The following ZNF490 variants were observed in gnomAD, a reference collection of about 807,000 sequenced individuals.
ZNF490 encodes zinc finger protein 490.
A neutral mutation model predicts 17.7 loss-of-function variants in ZNF490; 11 were observed. The ratio of observed to expected loss-of-function variants is 0.62; its 90% CI spans 0.39 to 1.03. The LOEUF is 1.03. Ranked by LOEUF, ZNF490 falls within the 50% of genes least tolerant of loss-of-function variation. The pLI, the probability that ZNF490 is intolerant of heterozygous loss-of-function variation, is 0.00. For synonymous variants in ZNF490, 222 were observed against 216.1 expected (o/e 1.03, Z -0.24); for missense variants, 542 against 643.4 (o/e 0.84, Z 1.71).
chr19:12,600,290 C>G (rs570514820), intron 2 of ZNF490, among the ~76,000 whole-genome samples: 1 of 151,944 alleles, frequency 6.6e-6, no homozygotes, highest in South Asian at 2.1e-4. Context: ...TGGTGTGAAC[C>G]CAGGAGGTGG....
At chr19:12,589,568 CTTTT>C (rs66811210) in intron 2 of ZNF490, among the ~76,000 whole-genome samples, 9 of 125,732 alleles carry the variant, frequency 7.2e-5, no homozygotes, top group Admixed American at 8.1e-5. Flanking sequence ...TCTTCTTCTT[CTTTT>C]TTTTTTTTTT....
intron 2 of ZNF490, among the ~76,000 whole-genome samples, chr19:12,596,445 C>T (rs997767885): frequency 6.6e-6 from 1 of 151,984 alleles, no homozygotes. Flanking sequence ...TTTGGGAGGC[C>T]AAGGCAAGAG....
At chr19:12,587,064 CAA>C (rs1301315368) in intron 2 of ZNF490, among the ~76,000 whole-genome samples, 2 of 41,912 alleles carry the variant, frequency 4.8e-5, no homozygotes, top group Admixed American at 2.4e-4. Context: ...AACTCCATCT[CAA>C]AAAAAAAAAA....
At position 12,585,749 on chromosome 19, in the gene ZNF490, G is replaced by C. The variant is rs868471571; in HGVS notation, c.163-2193C>G. On this transcript the variant is annotated intron_variant, in intron 2 of 4. Coordinates refer to ENST00000311437, the MANE Select transcript of ZNF490 (RefSeq NM_020714.3). ...CTGTCACCCAGGCTGGAGTGCAGTG[G>C]TGCAATCTTGGCTCACTACAACCCC... Among the ~76,000 whole-genome samples the C allele has an allele frequency of 5.4e-5, 5 of 92,784 alleles. 1 individual carries two copies. The South Asian group carries it at 1.5e-3, about 27-fold the overall frequency. The allele number at this position is 92,784 out of a possible 152,430, so 60.9% of individuals were successfully genotyped here.
intron 2 of ZNF490, among the ~76,000 whole-genome samples, chr19:12,602,499 G>A (rs964177514): frequency 3.9e-5 from 6 of 152,030 alleles, no homozygotes; most frequent in African/African-American, 9.7e-5. Context: ...GCAGCGAGCC[G>A]AGATGATGCC....
intron 1 of ZNF490, 91 bp from the exon 2 acceptor site, chr19:12,609,293 G>C (rs890853963): frequency 9.3e-7 from 1 of 1,073,094 alleles, no homozygotes; most frequent in African/African-American, 1.6e-5. Flanking sequence ...TGTTCCCCCT[G>C]CATCTACCTG....
At chr19:12,597,393 G>C (rs2022947707) in intron 2 of ZNF490, 3 of 304,564 alleles carry the variant, frequency 9.9e-6, no homozygotes, top group South Asian at 8.4e-5. Flanking sequence ...TGACAGCCAT[G>C]CAGGAGGGCA....
chr19:12,607,047 T>C (rs1053061103), intron 2 of ZNF490, among the ~76,000 whole-genome samples: 2 of 152,026 alleles, frequency 1.3e-5, no homozygotes, highest in African/African-American at 4.8e-5. Flanking sequence ...GGCTCATAAG[T>C]AATAATGAAA....
chr19:12,582,768 G>A (rs2022755584), intron 4 of ZNF490, 82 bp downstream of exon 4: 2 of 1,196,376 alleles, frequency 1.7e-6, no homozygotes, highest in East Asian at 2.3e-5. Context: ...TCTGCTTATT[G>A]TTTTGCTTGC....
intron 2 of ZNF490, among the ~76,000 whole-genome samples, chr19:12,589,415 A>G (rs1316977030): frequency 6.6e-6 from 1 of 152,238 alleles, no homozygotes; most frequent in Admixed American, 6.6e-5. Flanking sequence ...GAAAATATCA[A>G]TAATTAACTG....
At chr19:12,590,348 C>T (rs2022855257) in intron 2 of ZNF490, among the ~76,000 whole-genome samples, 1 of 151,998 alleles carries the variant, frequency 6.6e-6, no homozygotes, top group Non-Finnish European at 1.5e-5. Flanking sequence ...TCCTGAGTAG[C>T]TGGGATTACA....
chr19:12,605,007 G>T (rs1461493888), intron 2 of ZNF490, among the ~76,000 whole-genome samples: 3 of 151,842 alleles, frequency 2.0e-5, no homozygotes, highest in African/African-American at 7.3e-5. Context: ...TACAAAAATA[G>T]CTGGGCGTGG....
intron 2 of ZNF490, among the ~76,000 whole-genome samples, chr19:12,595,810 T>C (rs560289918): frequency 1.3e-5 from 2 of 151,442 alleles, no homozygotes; most frequent in African/African-American, 4.8e-5. Flanking sequence ...ATCAGCCGAG[T>C]GTGTTGGCAG....
rs1481834949 is a variant in ZNF490, at chr19:12,584,821, G to A, written c.163-1265C>T. ...TAGAACCATGCAAATCCAGGTGGCT[G>A]AATGAAAATATTCTTCTGCATTAGT... On this transcript the variant is annotated intron_variant, in intron 2 of 4. Coordinates refer to ENST00000311437, the MANE Select transcript of ZNF490 (RefSeq NM_020714.3). Among the ~76,000 whole-genome samples, 2 of 94,232 alleles carry A rather than the reference G, an allele frequency of 2.1e-5. 1 individual carries two copies. The highest frequency in any genetic ancestry group is 5.7e-5 in the Non-Finnish European group (2 of 34,994). 61.8% of individuals were successfully genotyped at this position (94,232 alleles called of 152,430 possible).
chr19:12,592,808 A>G (rs2022887977), intron 2 of ZNF490, among the ~76,000 whole-genome samples: 1 of 152,248 alleles, frequency 6.6e-6, no homozygotes, highest in Non-Finnish European at 1.5e-5. Flanking sequence ...CAGAGGGATC[A>G]AGTGGGAACA....
At chr19:12,583,819 T>A (rs1452174888) in intron 2 of ZNF490, among the ~76,000 whole-genome samples, 79 of 135,152 alleles carry the variant, frequency 5.8e-4, no homozygotes, top group Admixed American at 3.1e-3. Flanking sequence ...ATATTTTTTT[T>A]TTTTTTTTTT....
intron 2 of ZNF490, among the ~76,000 whole-genome samples, chr19:12,599,946 T>G (rs1481154030): frequency 1.3e-5 from 2 of 152,226 alleles, no homozygotes; most frequent in Non-Finnish European, 2.9e-5. Context: ...GGCTTTCTTT[T>G]AGAACACTAA....
Position 12,583,424 on chromosome 19 carries a change from C to T in ZNF490, c.289+6G>A, listed in dbSNP as rs376476264. On this transcript the variant is annotated splice_donor_region_variant and intron_variant, in intron 3 of 4. Coordinates refer to ENST00000311437, the MANE Select transcript of ZNF490 (RefSeq NM_020714.3). ...TAATTAAGTAGAGAAATTATGTCACCCTTACCTATACAGGCCAGGTTCTTG... is the reference window on the plus strand; with the variant it reads ...TAATTAAGTAGAGAAATTATGTCACTCTTACCTATACAGGCCAGGTTCTTG... 1.4e-5 allele frequency: 22 copies of T among 1,591,404 alleles called. No homozygotes were observed. The African/African-American group carries it at 2.3e-4, about 17-fold the overall frequency.
Position 12,608,629 on chromosome 19 carries a change from T to C in ZNF490, c.162+529A>G, listed in dbSNP as rs117106989. On this transcript the variant is annotated intron_variant, in intron 2 of 4. Transcript: ENST00000311437. ...GAGATTACAGGTGTGCCTCCCACCATGCCCAGCTAACTTAAAAAATATTTT... is the reference window on the plus strand; with the variant it reads ...GAGATTACAGGTGTGCCTCCCACCACGCCCAGCTAACTTAAAAAATATTTT... Among the ~76,000 whole-genome samples, 1,072 of 152,138 alleles carry C rather than the reference T, an allele frequency of 7.0e-3. 42 individuals are homozygous for C. The East Asian group carries it at 0.11, about 15-fold the overall frequency.
Sources: gnomAD v4.1 joint callset for allele counts (sites outside exome capture counted in the v4.1 genomes callset) on GRCh38, gnomAD v4.1.1 for gene constraint, MANE v1.5 for transcripts, NCBI Gene and HGNC (gene_info 2026-07-23, HGNC 2026-07-21) for gene names.